The following PCBP3 variants were observed in gnomAD, a reference collection of about 807,000 sequenced individuals.
PCBP3 encodes the protein poly(rC) binding protein 3.
Under a neutral mutation model 52.7 loss-of-function variants are expected in PCBP3, and 25 were observed. The ratio of observed to expected loss-of-function variants is 0.47; its 90% CI spans 0.35 to 0.66. The LOEUF is 0.66. Among genes scored for constraint, PCBP3 ranks in the 30% least tolerant of loss-of-function variants. The pLI is 0.01. For missense variants in PCBP3, 391 were observed against 490.3 expected (o/e 0.80, Z 1.91); for synonymous variants, 162 against 183.0 (o/e 0.89, Z 0.93).
intron 4 of PCBP3, among the ~76,000 whole-genome samples, chr21:45,820,146 C>G (rs1304844844): frequency 1.2e-4 from 19 of 152,252 alleles, no homozygotes; most frequent in Non-Finnish European, 2.5e-4. Flanking sequence ...TGGCGCTGGC[C>G]TTTTCCTGGC....
chr21:45,765,333 T>G (rs1243776178), intron 4 of PCBP3, among the ~76,000 whole-genome samples: 1 of 152,158 alleles, frequency 6.6e-6, no homozygotes, highest in Non-Finnish European at 1.5e-5. Flanking sequence ...GGGGCGGGCA[T>G]TGGCCAGATG....
chr21:45,934,837 A>G (rs906169009), intron 15 of PCBP3, among the ~76,000 whole-genome samples: 15 of 152,196 alleles, frequency 9.9e-5, no homozygotes, highest in Non-Finnish European at 2.1e-4. Context: ...ATGGGCACTC[A>G]GCATCAGTGT....
intron 2 of PCBP3, among the ~76,000 whole-genome samples, chr21:45,677,782 C>G: frequency 6.6e-6 from 1 of 152,182 alleles, no homozygotes; most frequent in East Asian, 1.9e-4. Flanking sequence ...GGCCTGTGCT[C>G]TATACGGGAA....
intron 1 of PCBP3, among the ~76,000 whole-genome samples, chr21:45,659,089 A>C (rs574820896): frequency 3.0e-5 from 3 of 100,676 alleles, no homozygotes; most frequent in African/African-American, 1.2e-4. Flanking sequence ...GTCTTTTTTT[A>C]AAAAAAAAAC....
intron 4 of PCBP3, among the ~76,000 whole-genome samples, chr21:45,808,964 T>C (rs1264805359): frequency 1.3e-5 from 2 of 152,130 alleles, no homozygotes; most frequent in African/African-American, 2.4e-5. Flanking sequence ...CCACATGTTC[T>C]CACTCATAAG....
intron 4 of PCBP3, among the ~76,000 whole-genome samples, chr21:45,846,204 A>G (rs1294992935): frequency 1.3e-5 from 2 of 152,198 alleles, no homozygotes; most frequent in African/African-American, 4.8e-5. Flanking sequence ...GGGACTTGTT[A>G]GGGAGATATC....
At position 45,802,982 on chromosome 21, in the gene PCBP3, T is replaced by TA. The variant is rs1279246850; in HGVS notation, c.-125-46977dup. 6.6e-6 allele frequency among the ~76,000 whole-genome samples: 1 copy of TA among 152,246 alleles called. No individual in the cohort carries two copies. Among genetic ancestry groups the TA allele is most frequent in the African/African-American group, 2.4e-5 (1 of 41,472 alleles). On this transcript the variant is annotated intron_variant, in intron 4 of 17. Coordinates refer to ENST00000681687, the MANE Select transcript of PCBP3 (RefSeq NM_001384156.1). The surrounding 1 kb of genome is among the most constrained non-coding windows in gnomAD (Gnocchi z 5.1). ...GATTTTTCTTGTTTTCAATAAAAAA[T>TA]AACATTTCCCGTCTGCATTGTACAG...
intron 6 of PCBP3, among the ~76,000 whole-genome samples, chr21:45,897,509 A>G (rs193294185): frequency 2.6e-5 from 4 of 152,094 alleles, no homozygotes; most frequent in African/African-American, 9.7e-5. Flanking sequence ...ATGTGTTTCT[A>G]TCCTCTGGGA....
At chr21:45,930,549 G>A (rs1266051737) in intron 14 of PCBP3, among the ~76,000 whole-genome samples, 1 of 152,176 alleles carries the variant, frequency 6.6e-6, no homozygotes, top group Admixed American at 6.5e-5. Context: ...GGCATGCCTG[G>A]CAGTTGGGTG....
At chr21:45,812,644 G>A (rs1471096514) in intron 4 of PCBP3, among the ~76,000 whole-genome samples, 2 of 152,260 alleles carry the variant, frequency 1.3e-5, no homozygotes, top group South Asian at 2.1e-4. Flanking sequence ...CGCCCGCTTC[G>A]GCCTCCCAAA....
chr21:45,724,742 C>T lies in PCBP3; in HGVS notation c.-199-10650C>T, dbSNP rs1298353696. ...TCAGCTGGAGTGGCACTCTGTAACC[C>T]GCCCCCCCTCAGCTGGAGTGGCACT... On this transcript the variant is annotated intron_variant, in intron 2 of 17. Transcript: ENST00000681687. This position sits in a 1 kb window ranked among gnomAD's most constrained non-coding sequence, Gnocchi z 5.3. 2.0e-5 allele frequency among the ~76,000 whole-genome samples: 3 copies of T among 151,510 alleles called. No homozygotes were observed. The highest frequency in any genetic ancestry group is 4.4e-5 in the Non-Finnish European group (3 of 67,870).
intron 2 of PCBP3, among the ~76,000 whole-genome samples, chr21:45,721,327 C>T (rs1034145182): frequency 2.7e-5 from 4 of 149,304 alleles, no homozygotes; most frequent in Middle Eastern, 6.9e-3. Context: ...GCATAAGAAT[C>T]GCTTGAACCC....
At chr21:45,812,115 A>G (rs562453331) in intron 4 of PCBP3, among the ~76,000 whole-genome samples, 1 of 152,310 alleles carries the variant, frequency 6.6e-6, no homozygotes, top group South Asian at 2.1e-4. Flanking sequence ...ACAACAATAT[A>G]CTTCCATTTA....
intron 2 of PCBP3, among the ~76,000 whole-genome samples, chr21:45,684,304 A>G (rs2082029126): frequency 6.6e-6 from 1 of 152,230 alleles, no homozygotes; most frequent in South Asian, 2.1e-4. Flanking sequence ...ATTAAGTATG[A>G]AATTTATGCG....
chr21:45,898,817 G>A (rs1403842418), intron 6 of PCBP3, among the ~76,000 whole-genome samples: 1 of 122,582 alleles, frequency 8.2e-6, no homozygotes, highest in African/African-American at 3.6e-5. Context: ...CTCTCTCCAC[G>A]GGCCCCTCTG....
chr21:45,905,857 G>A (rs558738802), intron 9 of PCBP3, among the ~76,000 whole-genome samples: 12 of 152,290 alleles, frequency 7.9e-5, no homozygotes, highest in African/African-American at 2.9e-4. Flanking sequence ...AACTTGGTCC[G>A]GTTCTGCAGC....
chr21:45,847,799 G>A (rs527821462), intron 4 of PCBP3, among the ~76,000 whole-genome samples: 22 of 152,290 alleles, frequency 1.4e-4, no homozygotes, highest in African/African-American at 4.8e-4. Context: ...CAGGGCCACC[G>A]TTCTGGGTCA....
chr21:45,910,296 G>A (rs990884067), intron 10 of PCBP3, among the ~76,000 whole-genome samples: 1 of 149,266 alleles, frequency 6.7e-6, no homozygotes, highest in African/African-American at 2.5e-5. Context: ...TATGGGCCGT[G>A]CTGGGGACAG....
chr21:45,740,464 C>T (rs145306658), intron 3 of PCBP3, among the ~76,000 whole-genome samples: 1 of 152,336 alleles, frequency 6.6e-6, no homozygotes, highest in Non-Finnish European at 1.5e-5. Flanking sequence ...ACTAAAATGA[C>T]AGGCAAGATG....
Sources: gnomAD v4.1 joint callset for allele counts (sites outside exome capture counted in the v4.1 genomes callset) on GRCh38, gnomAD v4.1.1 for gene constraint, Gnocchi (gnomAD v3.1) non-coding constraint, MANE v1.5 for transcripts, NCBI Gene and HGNC (gene_info 2026-07-23, HGNC 2026-07-21) for gene names.